Variants in NLGN1 observed in about 807,000 individuals in gnomAD.
The protein encoded by NLGN1 is neuroligin-1.
A neutral mutation model predicts 65.5 loss-of-function variants in NLGN1; 12 were observed. The observed-to-expected ratio is 0.18, with a 90% CI of 0.12 to 0.30. NLGN1 has a LOEUF of 0.30. Among genes scored for constraint, NLGN1 ranks in the 10% least tolerant of loss-of-function variants. The pLI is 1.00. For missense variants in NLGN1, 750 were observed against 1,007.1 expected (o/e 0.74, Z 3.46); for synonymous variants, 350 against 359.5 (o/e 0.97, Z 0.30).
chr3:173,656,181 G>GGCATATGT (rs1759999761), intron 3 of NLGN1, among the ~76,000 whole-genome samples: 9 of 152,056 alleles, frequency 5.9e-5, no homozygotes, highest in Non-Finnish European at 1.2e-4. Flanking sequence ...TTTAGTTTTA[G>GGCATATGT]GAAGTCCTTA....
intron 3 of NLGN1, among the ~76,000 whole-genome samples, chr3:173,738,550 A>G (rs1774130817): frequency 6.6e-6 from 1 of 152,092 alleles, no homozygotes; most frequent in Admixed American, 6.6e-5. Flanking sequence ...ATCATTTACT[A>G]TAAATGTGAA....
intron 4 of NLGN1, among the ~76,000 whole-genome samples, chr3:173,993,602 A>G (rs1176568850): frequency 6.6e-6 from 1 of 152,000 alleles, no homozygotes; most frequent in Non-Finnish European, 1.5e-5. Flanking sequence ...TTTCTTTTGG[A>G]TACTTTGGCC....
At chr3:173,624,095 C>T (rs971521351) in intron 3 of NLGN1, among the ~76,000 whole-genome samples, 1 of 152,064 alleles carries the variant, frequency 6.6e-6, no homozygotes, top group Non-Finnish European at 1.5e-5. Flanking sequence ...AGTTCTTGAC[C>T]CAAGGCTTCC....
intron 2 of NLGN1, among the ~76,000 whole-genome samples, chr3:173,506,631 G>A (rs1204456058): frequency 6.6e-6 from 1 of 151,972 alleles, no homozygotes; most frequent in Non-Finnish European, 1.5e-5. Context: ...TACAGAATGT[G>A]CTAAGAGACA....
intron 4 of NLGN1, among the ~76,000 whole-genome samples, chr3:174,040,005 A>G (rs1257702204): frequency 1.3e-5 from 2 of 152,166 alleles, no homozygotes; most frequent in Non-Finnish European, 2.9e-5. Context: ...CTTGAAAATG[A>G]TCTTTGTGAG....
intron 3 of NLGN1, among the ~76,000 whole-genome samples, chr3:173,715,986 T>G (rs1314954982): frequency 6.6e-6 from 1 of 152,168 alleles, no homozygotes; most frequent in African/African-American, 2.4e-5. Context: ...TTTAAATTAT[T>G]TGGATGATAT....
chr3:173,737,322 TCA>T, intron 3 of NLGN1, among the ~76,000 whole-genome samples: 1 of 152,064 alleles, frequency 6.6e-6, no homozygotes, highest in East Asian at 1.9e-4. Context: ...TTAACTATAT[TCA>T]CAGAGTTGTG....
At chr3:173,964,403 G>A (rs1462966728) in intron 4 of NLGN1, among the ~76,000 whole-genome samples, 1 of 152,192 alleles carries the variant, frequency 6.6e-6, no homozygotes, top group Non-Finnish European at 1.5e-5. Context: ...ATTCAGGAAA[G>A]TGAAGGACTT....
intron 2 of NLGN1, among the ~76,000 whole-genome samples, chr3:173,490,425 A>C (rs1037505035): frequency 7.2e-5 from 11 of 152,042 alleles, no homozygotes; most frequent in African/African-American, 2.2e-4. Context: ...ATTATTTCTG[A>C]GAGCTCTGTT....
intron 4 of NLGN1, among the ~76,000 whole-genome samples, chr3:173,927,220 C>T (rs561281909): frequency 1.2e-4 from 19 of 152,040 alleles, no homozygotes; most frequent in Non-Finnish European, 2.5e-4. Context: ...CATGTCTCCA[C>T]GCCTGGCTAA....
chr3:174,035,740 G>GA (rs1422552320), intron 4 of NLGN1, among the ~76,000 whole-genome samples: 5 of 152,258 alleles, frequency 3.3e-5, no homozygotes, highest in African/African-American at 1.2e-4. Context: ...TGGAGTCCAG[G>GA]TTCTTGTAGC....
chr3:173,789,427 G>A (rs1712142319), intron 3 of NLGN1, among the ~76,000 whole-genome samples: 1 of 152,074 alleles, frequency 6.6e-6, no homozygotes. Context: ...CACGTGAAAA[G>A]CCTTTGCAGA....
At chr3:174,152,396 A>C (rs1425375162) in intron 4 of NLGN1, among the ~76,000 whole-genome samples, 1 of 152,162 alleles carries the variant, frequency 6.6e-6, no homozygotes, top group African/African-American at 2.4e-5. Context: ...ATTTAAAAAT[A>C]CAAAAAAACA....
chr3:173,407,995 G>T (rs1033273127), intron 1 of NLGN1, among the ~76,000 whole-genome samples: 7 of 152,164 alleles, frequency 4.6e-5, no homozygotes, highest in Admixed American at 3.3e-4. Context: ...ATGTCTGTTT[G>T]TGACACTGGT....
chr3:173,858,659 AT>A (rs763270729), intron 4 of NLGN1, among the ~76,000 whole-genome samples: 2 of 152,040 alleles, frequency 1.3e-5, no homozygotes, highest in Non-Finnish European at 2.9e-5. Context: ...TTCTATGATA[AT>A]TTCTAATTCA....
At chr3:173,687,157 T>C (rs1464471568) in intron 3 of NLGN1, among the ~76,000 whole-genome samples, 2 of 152,206 alleles carry the variant, frequency 1.3e-5, no homozygotes, top group African/African-American at 4.8e-5. Flanking sequence ...CCTTAAATTC[T>C]GGACTTAACC....
chr3:174,094,519 T>G (rs896730454), intron 4 of NLGN1, among the ~76,000 whole-genome samples: 1 of 151,986 alleles, frequency 6.6e-6, no homozygotes, highest in East Asian at 1.9e-4. Context: ...TTCAAACCCC[T>G]TGTCTCCTAA....
chr3:173,685,127 G>A (rs1764506269), intron 3 of NLGN1, among the ~76,000 whole-genome samples: 1 of 152,088 alleles, frequency 6.6e-6, no homozygotes, highest in African/African-American at 2.4e-5. Flanking sequence ...ATTTAATAAT[G>A]CATGGTTTGT....
chr3:173,924,244 T>G (rs1162089695), intron 4 of NLGN1, among the ~76,000 whole-genome samples: 2 of 152,122 alleles, frequency 1.3e-5, no homozygotes, highest in Non-Finnish European at 2.9e-5. Context: ...TCACAGGAAT[T>G]TTTTTAAATT....
Sources: gnomAD v4.1 joint callset for allele counts (sites outside exome capture counted in the v4.1 genomes callset) on GRCh38, gnomAD v4.1.1 for gene constraint, MANE v1.5 for transcripts, NCBI Gene and HGNC (gene_info 2026-07-23, HGNC 2026-07-21) for gene names.